The following PCDHGA6 variants were observed in gnomAD, a reference collection of about 807,000 sequenced individuals.
PCDHGA6 encodes the protein protocadherin gamma-A6.
PCDHGA6 carries 41 observed loss-of-function variants against 60.6 expected under a neutral mutation model. That is an observed-to-expected ratio of 0.68 (90% CI 0.53 to 0.88). The LOEUF (loss-of-function observed/expected upper bound fraction) is 0.88, where lower values mean the gene tolerates loss of function less well. Ranked by LOEUF, PCDHGA6 falls within the 40% of genes least tolerant of loss-of-function variation. The pLI, the probability that PCDHGA6 is intolerant of heterozygous loss-of-function variation, is 0.00. For missense variants in PCDHGA6, 1,312 were observed against 1,203.0 expected, an observed-to-expected ratio of 1.09 and a Z score of -1.34; for synonymous variants, 594 against 524.4, an observed-to-expected ratio of 1.13 and a Z score of -1.81.
intron 1 of PCDHGA6, chr5:141,478,812 A>C: frequency 1.4e-6 from 2 of 1,453,554 alleles, no homozygotes; most frequent in Non-Finnish European, 1.8e-6. Context: ...TTGCTATCAC[A>C]ACTAACCAAT....
chr5:141,423,297 C>G lies in PCDHGA6; in HGVS notation c.2424+46790C>G, dbSNP rs1322889810. 3 of 1,614,170 alleles carry G rather than the reference C, an allele frequency of 1.9e-6. 1 individual carries two copies. The South Asian group carries it at 3.3e-5, about 18-fold the overall frequency. The stretch of plus-strand genomic sequence containing the variant: ...TGGCTAACTCTGAAACCTCAGACCT[C>G]TCGCTGTACTTGGTGGTGGCGGTGG... On this transcript the variant is annotated intron_variant, in intron 1 of 3. Transcript: ENST00000517434.
intron 1 of PCDHGA6, chr5:141,398,592 A>G: frequency 6.2e-7 from 1 of 1,614,068 alleles, no homozygotes; most frequent in South Asian, 1.1e-5. Flanking sequence ...TTATACTAGA[A>G]GTAGCAGAAG....
chr5:141,375,802 T>A lies in PCDHGA6; in HGVS notation c.1719T>A (p.Thr573=), dbSNP rs754541889. 3 of 1,614,190 alleles carry A rather than the reference T, an allele frequency of 1.9e-6. No homozygotes were observed. The highest frequency in any genetic ancestry group is 2.2e-5 in the East Asian group (1 of 44,884). ...CCGCCCTCCCCACAGACGGTTCCAC[T>A]GGCGTGGAGCTGGCGCCCCGCTCCG... is the stretch of plus-strand genomic sequence containing the variant. The part of the protein sequence containing the change: ...LYPALPTDGS[T]GVELAPRSAE... Residue 573 remains threonine (T), a synonymous_variant, in exon 1 of 4, where the codon ACT becomes ACA. Transcript: ENST00000517434.
chr5:141,413,218 A>C, intron 1 of PCDHGA6: 1 of 1,613,610 alleles, frequency 6.2e-7, no homozygotes, highest in Non-Finnish European at 8.5e-7. Context: ...AAAGGATTGC[A>C]GCGGGCTGGT....
chr5:141,438,635 TACACACACACACACAC>T (rs56854727), intron 1 of PCDHGA6, among the ~76,000 whole-genome samples: 7 of 33,414 alleles, frequency 2.1e-4, no homozygotes, highest in Non-Finnish European at 3.7e-4. Flanking sequence ...TATATATATA[TACACACACACACACAC>T]ATATATGTAT....
intron 1 of PCDHGA6, chr5:141,400,244 C>T (rs765839538): frequency 1.9e-6 from 3 of 1,613,928 alleles, no homozygotes; most frequent in East Asian, 4.5e-5. Flanking sequence ...GTGATTCTGG[C>T]CGTTGCCTTG....
At position 141,388,660 on chromosome 5, in the gene PCDHGA6, C is replaced by A. The variant is rs762083225; in HGVS notation, c.2424+12153C>A. 5.0e-6 allele frequency: 8 copies of A among 1,613,714 alleles called. No individual in the cohort carries two copies. The South Asian group carries it at 8.8e-5, about 18-fold the overall frequency. On this transcript the variant is annotated intron_variant, in intron 1 of 3. Transcript: ENST00000517434. Reference sequence around the variant, plus strand: ...CTTTCAGAAAACGTGTACCCGGGGACCACGGTGCTACAGGTGACTGCCACG... The same window carrying A: ...CTTTCAGAAAACGTGTACCCGGGGAACACGGTGCTACAGGTGACTGCCACG...
At chr5:141,458,899 T>A (rs1398965632) in intron 1 of PCDHGA6, among the ~76,000 whole-genome samples, 2 of 152,106 alleles carry the variant, frequency 1.3e-5, no homozygotes, top group African/African-American at 2.4e-5. Context: ...GCGCAGCTAA[T>A]TTTTTCTATT....
intron 1 of PCDHGA6, among the ~76,000 whole-genome samples, chr5:141,445,332 A>G (rs1364481039): frequency 1.4e-4 from 22 of 152,140 alleles, no homozygotes; most frequent in Admixed American, 1.4e-3. Context: ...CCATCCAGAA[A>G]CAGTAAACAT....
At chr5:141,441,886 A>C (rs2098281968) in intron 1 of PCDHGA6, 1 of 345,040 alleles carries the variant, frequency 2.9e-6, no homozygotes, top group Non-Finnish European at 5.6e-6. Flanking sequence ...CCTGGTCACC[A>C]AGGTGGTGGC....
intron 1 of PCDHGA6, chr5:141,413,604 C>T: frequency 5.6e-6 from 9 of 1,613,818 alleles, no homozygotes; most frequent in Non-Finnish European, 7.6e-6. Flanking sequence ...AAAATCTAGA[C>T]GTAAAAATTA....
At chr5:141,464,443 T>G (rs903733972) in intron 1 of PCDHGA6, among the ~76,000 whole-genome samples, 1 of 151,634 alleles carries the variant, frequency 6.6e-6, no homozygotes, top group African/African-American at 2.4e-5. Context: ...ATGTTTGTTG[T>G]TGTTGTTGTT....
rs757157488 is a variant in PCDHGA6 at position 141,477,668 on chromosome 5, A to G, written c.2425-17139A>G. ...TTTCACAATAAATCGTGACAATGGC[A>G]TAGTGTCATCCTTAGTGCCCCTAGA... On this transcript the variant is annotated intron_variant, in intron 1 of 3. Coordinates refer to ENST00000517434, the MANE Select transcript of PCDHGA6 (RefSeq NM_018919.3). The surrounding 1 kb of genome is among the most constrained non-coding windows in gnomAD (Gnocchi z 4.9). 10 of 1,614,104 alleles carry G rather than the reference A, an allele frequency of 6.2e-6. No individual in the cohort carries two copies. Among genetic ancestry groups the G allele is most frequent in the Non-Finnish European group, 8.5e-6 (10 of 1,180,046 alleles).
chr5:141,432,463 C>A lies in PCDHGA6; in HGVS notation c.2424+55956C>A, dbSNP rs781407406. On this transcript the variant is annotated intron_variant, in intron 1 of 3. Transcript: ENST00000517434. The surrounding 1 kb of genome is among the most constrained non-coding windows in gnomAD (Gnocchi z 6.0). Reference sequence around the variant, plus strand: ...CCGAGATCCTGTACCCCGCCCTCCCCACGGACGGTTCCACTGGCGTGGAGC... The same window carrying A: ...CCGAGATCCTGTACCCCGCCCTCCCAACGGACGGTTCCACTGGCGTGGAGC... The A allele has an allele frequency of 5.6e-6, 9 of 1,614,120 alleles. No homozygotes were observed. In the Admixed American group the frequency reaches 1.3e-4, roughly 24 times the overall value.
intron 2 of PCDHGA6, among the ~76,000 whole-genome samples, chr5:141,495,623 C>T (rs990126072): frequency 3.3e-5 from 5 of 152,208 alleles, no homozygotes; most frequent in South Asian, 2.1e-4. Context: ...GCACCTCAGC[C>T]TCAGTCCCTT....
rs767983504 is a variant in PCDHGA6, at chr5:141,393,225, C to T, written c.2424+16718C>T. On this transcript the variant is annotated intron_variant, in intron 1 of 3. Coordinates refer to ENST00000517434, the MANE Select transcript of PCDHGA6 (RefSeq NM_018919.3). ...TAACCCAAAATTCCAGGTCGAAGATCTAGAAGTAAAAATTAACGAAATCGC... is the reference window on the plus strand; with the variant it reads ...TAACCCAAAATTCCAGGTCGAAGATTTAGAAGTAAAAATTAACGAAATCGC... 7 of 1,613,552 alleles carry T rather than the reference C, an allele frequency of 4.3e-6. No individual in the cohort carries two copies. The South Asian group carries it at 5.5e-5, about 13-fold the overall frequency.
chr5:141,485,070 G>A lies in PCDHGA6; in HGVS notation c.2425-9737G>A. On this transcript the variant is annotated intron_variant, in intron 1 of 3. Coordinates refer to ENST00000517434, the MANE Select transcript of PCDHGA6 (RefSeq NM_018919.3). The surrounding 1 kb of genome is among the most constrained non-coding windows in gnomAD (Gnocchi z 5.7). ...CGCCGGCCGAACCGCGCCAGAGCTG[G>A]CGCGGGGAAAGGGAGATAGGTGTCT... is the stretch of plus-strand genomic sequence containing the variant. The A allele has an allele frequency of 1.1e-6, 1 of 908,406 alleles. No individual in the cohort carries two copies. Among genetic ancestry groups the A allele is most frequent in the Non-Finnish European group, 1.7e-6 (1 of 580,008 alleles). 56.3% of individuals were successfully genotyped at this position (908,406 alleles called of 1,614,324 possible). A position where few individuals can be genotyped will look rare whatever the true frequency, so the allele number is the denominator to read the frequency against.
At position 141,376,250 on chromosome 5, in the gene PCDHGA6, C is replaced by A; in HGVS notation, c.2167C>A (p.Arg723Ser). ...CAGACTGCAGCGCTGGCACAAGTCA[C>A]GCCTGCTGCAGGCTTCGGGAGGTGG... ...ALRLQRWHKS[R>S]LLQASGGGLA... The change falls in exon 1 of 4, where the codon CGC (arginine) becomes AGC (serine). Residue 723 changes from arginine to serine, a missense_variant. Transcript: ENST00000517434. The A allele has an allele frequency of 6.2e-7, 1 of 1,614,246 alleles. No homozygotes were observed. The highest frequency in any genetic ancestry group is 8.5e-7 in the Non-Finnish European group (1 of 1,180,056).
At chr5:141,428,493 T>G in intron 1 of PCDHGA6, 1 of 307,146 alleles carries the variant, frequency 3.3e-6, no homozygotes, top group Non-Finnish European at 6.3e-6. Context: ...GCAATCTGTA[T>G]GTTCCCTCGG....
Sources: allele counts gnomAD v4.1 joint callset (sites outside exome capture counted in the v4.1 genomes callset), GRCh38; gene constraint gnomAD v4.1.1; non-coding constraint Gnocchi (gnomAD v3.1); transcripts MANE v1.5; gene names NCBI Gene and HGNC (gene_info 2026-07-23, HGNC 2026-07-21).